Variants in RNF214 observed in about 807,000 individuals in gnomAD.
The protein encoded by RNF214 is ring finger protein 214.
A neutral mutation model predicts 75.9 loss-of-function variants in RNF214; 25 were observed. The ratio of observed to expected loss-of-function variants is 0.33; its 90% CI spans 0.24 to 0.46. RNF214 has a LOEUF of 0.46. RNF214 is among the 20% of genes least tolerant of loss of function. RNF214 has a pLI of 1.00. For synonymous variants in RNF214, 314 were observed against 308.8 expected, an observed-to-expected ratio of 1.02 and a Z score of -0.18; for missense variants, 725 against 857.5, an observed-to-expected ratio of 0.85 and a Z score of 1.93.
intron 6 of RNF214, among the ~76,000 whole-genome samples, chr11:117,270,645 G>T (rs2033892198): frequency 6.6e-6 from 1 of 150,706 alleles, no homozygotes; most frequent in Non-Finnish European, 1.5e-5. Flanking sequence ...ACAGGGTTTT[G>T]CCATGTTGGT....
chr11:117,284,174 CTT>C lies in RNF214; in HGVS notation c.2047-910_2047-909del, dbSNP rs574692754. On this transcript the variant is annotated intron_variant, in intron 14 of 14. Transcript: ENST00000300650. Reference sequence around the variant, plus strand: ...TTCAAAATGTAGCATTGTCAGAAGACTTTGCCTAGATGAGAGGAATGGAATGG... The same window carrying C: ...TTCAAAATGTAGCATTGTCAGAAGACTGCCTAGATGAGAGGAATGGAATGG... Among the ~76,000 whole-genome samples, 409 of 152,224 alleles carry C rather than the reference CTT, an allele frequency of 2.7e-3. 8 individuals are homozygous for C. Among genetic ancestry groups the C allele is most frequent in the Non-Finnish European group, 2.1e-4 (14 of 68,014 alleles).
intron 4 of RNF214, among the ~76,000 whole-genome samples, chr11:117,243,043 G>C (rs1174456890): frequency 6.6e-6 from 1 of 152,216 alleles, no homozygotes; most frequent in Non-Finnish European, 1.5e-5. Context: ...TGAGTAATCA[G>C]CTGTTTGGGA....
intron 1 of RNF214, among the ~76,000 whole-genome samples, chr11:117,233,379 C>T (rs1452723036): frequency 6.6e-6 from 1 of 152,142 alleles, no homozygotes; most frequent in African/African-American, 2.4e-5. Flanking sequence ...GAGGTGTTGA[C>T]ACAGCCCCAT....
intron 6 of RNF214, among the ~76,000 whole-genome samples, chr11:117,260,318 A>G (rs377619510): frequency 5.3e-5 from 8 of 152,338 alleles, no homozygotes; most frequent in African/African-American, 1.9e-4. Flanking sequence ...TATGGTGAGA[A>G]GTAAAGGTTG....
chr11:117,264,237 G>T (rs2033745693), intron 6 of RNF214, among the ~76,000 whole-genome samples: 1 of 152,144 alleles, frequency 6.6e-6, no homozygotes, highest in South Asian at 2.1e-4. Flanking sequence ...GCAGGAGAAT[G>T]GCGTGAACCC....
intron 2 of RNF214, among the ~76,000 whole-genome samples, chr11:117,236,910 A>G (rs1467816875): frequency 6.6e-6 from 1 of 152,218 alleles, no homozygotes; most frequent in Non-Finnish European, 1.5e-5. Flanking sequence ...CAGTCTTGTT[A>G]GGTGGATAGT....
chr11:117,238,962 ACCT>A lies in RNF214; in HGVS notation c.472_474del (p.Ser158del). On this transcript the variant is annotated inframe_deletion, in exon 3 of 15. Coordinates refer to ENST00000300650, the MANE Select transcript of RNF214 (RefSeq NM_207343.4). ...TTGCTCTGAAGAGAAATCCCCACAA[ACCT>A]CCATCCTAAAGGAAGGTAACAGGGA... is the stretch of plus-strand genomic sequence containing the variant. The A allele has an allele frequency of 6.2e-7, 1 of 1,613,906 alleles. No homozygotes were observed. Among genetic ancestry groups the A allele is most frequent in the Non-Finnish European group, 8.5e-7 (1 of 1,179,994 alleles).
At position 117,250,859 on chromosome 11, in the gene RNF214, A is replaced by G. The variant is rs200650650; in HGVS notation, c.959+3911A>G. Among the ~76,000 whole-genome samples, 1,369 of 147,984 alleles carry G rather than the reference A, an allele frequency of 9.3e-3. 54 individuals are homozygous for G. Among genetic ancestry groups the G allele is most frequent in the South Asian group, 0.092 (409 of 4,436 alleles). On this transcript the variant is annotated intron_variant, in intron 6 of 14. Coordinates refer to ENST00000300650, the MANE Select transcript of RNF214 (RefSeq NM_207343.4). ...TTCAAGCATCTGTTTAACAAAGCAC[A>G]TCTTGCACCGCCCTTAATCCATTCA...
chr11:117,282,004 C>T lies in RNF214; in HGVS notation c.1446C>T (p.Arg482=). The part of the protein sequence containing the change: ...MPMVMPSADP[R]SLSFPILNPA... Reference sequence around the variant, plus strand: ...TGGTTATGCCCAGTGCAGATCCCCGCTCCTTGTCTTTCCCAATCCTGAACC... The same window carrying T: ...TGGTTATGCCCAGTGCAGATCCCCGTTCCTTGTCTTTCCCAATCCTGAACC... The change falls in exon 11 of 15, where the codon CGC becomes CGT. Residue 482 remains arginine (R), a synonymous_variant. Transcript: ENST00000300650. The T allele has an allele frequency of 6.2e-7, 1 of 1,614,126 alleles. No individual in the cohort carries two copies. The highest frequency in any genetic ancestry group is 1.7e-5 in the Admixed American group (1 of 60,018).
intron 6 of RNF214, among the ~76,000 whole-genome samples, chr11:117,277,137 G>A (rs2134415645): frequency 6.6e-6 from 1 of 152,272 alleles, no homozygotes; most frequent in Middle Eastern, 3.4e-3. Context: ...GAGGTCAGGA[G>A]TTCAAGACCA....
intron 5 of RNF214, 47 bp downstream of exon 5, chr11:117,244,632 T>A: frequency 1.4e-6 from 2 of 1,428,098 alleles, no homozygotes. Flanking sequence ...CAACAGTCTC[T>A]GATCAAACTT....
intron 1 of RNF214, among the ~76,000 whole-genome samples, chr11:117,233,518 C>T (rs1226220785): frequency 1.3e-5 from 2 of 152,212 alleles, no homozygotes; most frequent in South Asian, 2.1e-4. Context: ...ATTTTCTTTT[C>T]TCCTCATAAG....
At chr11:117,258,018 C>T (rs1313573680) in intron 6 of RNF214, among the ~76,000 whole-genome samples, 1 of 152,120 alleles carries the variant, frequency 6.6e-6, no homozygotes, top group Non-Finnish European at 1.5e-5. Context: ...TATTCTACTA[C>T]AGTTGTTTTT....
At chr11:117,260,280 C>T (rs532824527) in intron 6 of RNF214, among the ~76,000 whole-genome samples, 2 of 152,216 alleles carry the variant, frequency 1.3e-5, no homozygotes, top group East Asian at 3.9e-4. Context: ...AGCCATGTAC[C>T]ACCACACTCT....
rs779695766 is a variant in RNF214 at position 117,279,992 on chromosome 11, C to T, written c.1044C>T (p.Ala348=). 3 of 1,612,356 alleles carry T rather than the reference C, an allele frequency of 1.9e-6. No homozygotes were observed. The highest frequency in any genetic ancestry group is 2.2e-5 in the South Asian group (2 of 90,652). Residue 348 remains alanine (A), a synonymous_variant, in exon 7 of 15, where the codon GCC becomes GCT. Transcript: ENST00000300650. ...NRNIMEETER[A]WKAEILSLES... is the part of the protein sequence containing the mutation. ...ACATTATGGAAGAGACTGAACGGGC[C>T]TGGAAGGCAGAGGTGAGAAGAGGAG...
intron 2 of RNF214, among the ~76,000 whole-genome samples, chr11:117,236,991 G>A (rs2032929104): frequency 6.6e-6 from 1 of 152,170 alleles, no homozygotes; most frequent in Admixed American, 6.5e-5. Context: ...GCGGAGTCAG[G>A]ATTCAAACTC....
At chr11:117,247,848 C>A (rs1270136529) in intron 6 of RNF214, among the ~76,000 whole-genome samples, 1 of 148,196 alleles carries the variant, frequency 6.7e-6, no homozygotes, top group African/African-American at 2.5e-5. Context: ...CAGAGTGAGA[C>A]CCTGTCTCAA....
intron 6 of RNF214, among the ~76,000 whole-genome samples, chr11:117,272,478 G>A (rs1236211881): frequency 1.3e-5 from 2 of 152,114 alleles, no homozygotes; most frequent in African/African-American, 4.8e-5. Flanking sequence ...AGGACAAATA[G>A]CTAATGTATG....
chr11:117,272,780 A>G (rs924203860), intron 6 of RNF214, among the ~76,000 whole-genome samples: 2 of 152,136 alleles, frequency 1.3e-5, no homozygotes, highest in Admixed American at 1.3e-4. Flanking sequence ...GAATATGACT[A>G]GATGCTAAAA....
Sources: allele counts gnomAD v4.1 joint callset (sites outside exome capture counted in the v4.1 genomes callset), GRCh38; gene constraint gnomAD v4.1.1; transcripts MANE v1.5; gene names NCBI Gene and HGNC (gene_info 2026-07-23, HGNC 2026-07-21).